JMJD1C: variants seen among roughly 807,000 people sequenced by gnomAD.
The protein encoded by JMJD1C is jumonji domain containing 1C, also known as jumonji domain-containing protein 1C.
A neutral mutation model predicts 245.3 loss-of-function variants in JMJD1C; 31 were observed. That is an observed-to-expected ratio of 0.13 (90% CI 0.09 to 0.17). The LOEUF (loss-of-function observed/expected upper bound fraction) is 0.17, where lower values mean the gene tolerates loss of function less well. Ranked by LOEUF, JMJD1C falls within the 10% of genes least tolerant of loss-of-function variation. The pLI, the probability that JMJD1C is intolerant of heterozygous loss-of-function variation, is 1.00. For missense variants in JMJD1C, 2,691 were observed against 3,000.2 expected (o/e 0.90, Z 2.41); for synonymous variants, 1,057 against 1,017.4 (o/e 1.04, Z -0.74).
At chr10:63,235,072 C>T (rs563481679) in intron 3 of JMJD1C, among the ~76,000 whole-genome samples, 1 of 152,182 alleles carries the variant, frequency 6.6e-6, no homozygotes, top group African/African-American at 2.4e-5. Context: ...AAGAAACAGA[C>T]TTGTAACTTA....
At chr10:63,210,177 A>C (rs551420269) in intron 8 of JMJD1C, among the ~76,000 whole-genome samples, 2 of 152,294 alleles carry the variant, frequency 1.3e-5, no homozygotes, top group South Asian at 2.1e-4. Flanking sequence ...TATGTGTCTC[A>C]AACGGCCTCA....
intron 2 of JMJD1C, among the ~76,000 whole-genome samples, chr10:63,320,969 G>C (rs1419026162): frequency 6.6e-6 from 1 of 152,180 alleles, no homozygotes; most frequent in Non-Finnish European, 1.5e-5. Flanking sequence ...GGGCTGAATT[G>C]AGTTGATCAA....
chr10:63,449,430 T>G (rs1480212916), intron 1 of JMJD1C, among the ~76,000 whole-genome samples: 1 of 152,190 alleles, frequency 6.6e-6, no homozygotes, highest in African/African-American at 2.4e-5. Flanking sequence ...TTTATAACAC[T>G]TTTCATATAT....
At chr10:63,484,236 G>GGATAGATAGATAGATA (rs142291507) in intron 1 of JMJD1C, among the ~76,000 whole-genome samples, 2 of 92,632 alleles carry the variant, frequency 2.2e-5, no homozygotes, top group African/African-American at 6.3e-5. Flanking sequence ...ATGGATGGAT[G>GGATAGATAGATAGATA]GATAGATAGA....
At chr10:63,240,955 T>C (rs1851403812) in intron 3 of JMJD1C, among the ~76,000 whole-genome samples, 1 of 152,190 alleles carries the variant, frequency 6.6e-6, no homozygotes, top group African/African-American at 2.4e-5. Flanking sequence ...AACCTTAGTA[T>C]TGTTATTCTA....
At chr10:63,247,387 C>T (rs1852357463) in intron 3 of JMJD1C, among the ~76,000 whole-genome samples, 1 of 151,772 alleles carries the variant, frequency 6.6e-6, no homozygotes, top group African/African-American at 2.4e-5. Flanking sequence ...CAAAATTGAA[C>T]CAGGAAAGAA....
At chr10:63,461,507 T>C (rs1041955598) in intron 1 of JMJD1C, among the ~76,000 whole-genome samples, 2 of 152,198 alleles carry the variant, frequency 1.3e-5, no homozygotes, top group African/African-American at 4.8e-5. Flanking sequence ...GTTTTATTTA[T>C]ATGCGAAATC....
chr10:63,470,596 T>C (rs1476432102), upstream of JMJD1C, among the ~76,000 whole-genome samples: 1 of 152,138 alleles, frequency 6.6e-6, no homozygotes, highest in Non-Finnish European at 1.5e-5. Flanking sequence ...CCAAAAATGA[T>C]CCTATGAGTG....
intron 24 of JMJD1C, among the ~76,000 whole-genome samples, chr10:63,170,292 T>G (rs1028863628): frequency 2.0e-5 from 3 of 152,184 alleles, no homozygotes; most frequent in Non-Finnish European, 2.9e-5. Flanking sequence ...TCCCTTTGAA[T>G]GGGCCATACT....
chr10:63,372,161 T>C (rs1026315878), intron 2 of JMJD1C, among the ~76,000 whole-genome samples: 21 of 152,184 alleles, frequency 1.4e-4, no homozygotes, highest in South Asian at 4.1e-4. Flanking sequence ...AAAAGCACTC[T>C]AAGAGAATAT....
chr10:63,257,226 C>CAAAAAAAAA (rs71025139), intron 3 of JMJD1C, among the ~76,000 whole-genome samples: 6 of 92,618 alleles, frequency 6.5e-5, no homozygotes, highest in East Asian at 3.6e-4. Context: ...GACTTCATCT[C>CAAAAAAAAA]AAAAAAAAAA....
At position 63,367,751 on chromosome 10, in the gene JMJD1C, T is replaced by C. The variant is rs368474493; in HGVS notation, c.333+12567A>G. Among the ~76,000 whole-genome samples, 18 of 152,308 alleles carry C rather than the reference T, an allele frequency of 1.2e-4. 1 individual carries two copies. The highest frequency in any genetic ancestry group is 2.6e-4 in the African/African-American group (11 of 41,574). Reference sequence around the variant, plus strand: ...TAGAGATGTTTCCACGAGAGACCCATGCACAGAACTTACAAATCTGTTGGT... The same window carrying C: ...TAGAGATGTTTCCACGAGAGACCCACGCACAGAACTTACAAATCTGTTGGT... On this transcript the variant is annotated intron_variant, in intron 2 of 25. Transcript: ENST00000399262.
chr10:63,500,730 T>TGGATGGATGGAA (rs1954521905), intron 1 of JMJD1C, among the ~76,000 whole-genome samples: 6 of 136,836 alleles, frequency 4.4e-5, no homozygotes, highest in Non-Finnish European at 6.5e-5. Context: ...TCTCGATGGA[T>TGGATGGATGGAA]GGATGGATGG....
At chr10:63,170,005 T>C (rs1307752705) in intron 24 of JMJD1C, among the ~76,000 whole-genome samples, 1 of 151,886 alleles carries the variant, frequency 6.6e-6, no homozygotes, top group East Asian at 1.9e-4. Context: ...CCTCTCTCCT[T>C]ATGTCTTTCA....
At chr10:63,481,229 T>C (rs1953819536) in intron 1 of JMJD1C, among the ~76,000 whole-genome samples, 1 of 152,220 alleles carries the variant, frequency 6.6e-6, no homozygotes, top group Admixed American at 6.5e-5. Flanking sequence ...TAGAATGAAA[T>C]AGTTTTTAAA....
intron 1 of JMJD1C, among the ~76,000 whole-genome samples, chr10:63,411,047 A>T (rs1447021825): frequency 6.6e-6 from 1 of 152,132 alleles, no homozygotes; most frequent in Admixed American, 6.5e-5. Context: ...CATCCACCAA[A>T]TTTGTTGTGA....
chr10:63,247,608 C>T (rs1852388511), intron 3 of JMJD1C, among the ~76,000 whole-genome samples: 1 of 149,040 alleles, frequency 6.7e-6, no homozygotes, highest in African/African-American at 2.5e-5. Context: ...TTGTGCATGC[C>T]TGTAGTCCCA....
intron 1 of JMJD1C, among the ~76,000 whole-genome samples, chr10:63,511,125 C>G (rs925234453): frequency 2.3e-4 from 35 of 152,182 alleles, no homozygotes; most frequent in African/African-American, 7.7e-4. Flanking sequence ...TTAATTCACT[C>G]TACTAATCTC....
intron 1 of JMJD1C, among the ~76,000 whole-genome samples, chr10:63,389,994 C>G (rs1423627514): frequency 1.3e-5 from 2 of 151,980 alleles, no homozygotes; most frequent in Non-Finnish European, 2.9e-5. Flanking sequence ...CAGAATAGAA[C>G]ACGGCAAGCC....
Sources: allele counts gnomAD v4.1 joint callset (sites outside exome capture counted in the v4.1 genomes callset), GRCh38; gene constraint gnomAD v4.1.1; transcripts MANE v1.5; gene names NCBI Gene and HGNC (gene_info 2026-07-23, HGNC 2026-07-21).